Variants in WWOX observed in about 807,000 individuals in gnomAD.
The protein encoded by WWOX is WW domain containing oxidoreductase.
In WWOX, 69 loss-of-function variants were observed where a neutral mutation model predicts 46.2. That is an observed-to-expected ratio of 1.49 (90% CI 1.23 to 1.82). The LOEUF is 1.82. Among genes scored for constraint, WWOX ranks in the 40% most tolerant of loss-of-function variants. The pLI is 0.00. For missense variants in WWOX, 919 were observed against 542.6 expected, an observed-to-expected ratio of 1.69 and a Z score of -6.89; for synonymous variants, 359 against 202.6, an observed-to-expected ratio of 1.77 and a Z score of -6.56.
At chr16:79,093,015 A>G (rs2048995487) in intron 8 of WWOX, among the ~76,000 whole-genome samples, 1 of 152,184 alleles carries the variant, frequency 6.6e-6, no homozygotes, top group South Asian at 2.1e-4. Flanking sequence ...AATAGCAAAA[A>G]CCGCAATTAC....
At chr16:78,873,138 A>G (rs1019760607) in intron 8 of WWOX, 1 of 151,948 alleles carries the variant, frequency 6.6e-6, no homozygotes, top group African/African-American at 2.4e-5. Context: ...CTCTTCCTCC[A>G]TCTGGGTCTT....
At chr16:78,723,865 C>G (rs545458422) in intron 8 of WWOX, among the ~76,000 whole-genome samples, 2 of 152,064 alleles carry the variant, frequency 1.3e-5, no homozygotes, top group African/African-American at 2.4e-5. Context: ...CACATTTAAT[C>G]TGTAAAAAAT....
chr16:78,105,408 G>C (rs543022824), intron 1 of WWOX, among the ~76,000 whole-genome samples: 1 of 151,432 alleles, frequency 6.6e-6, no homozygotes, highest in South Asian at 2.1e-4. Flanking sequence ...GCAGTGAGCT[G>C]AGATTGCACC....
chr16:78,495,966 C>T (rs1454312355), intron 8 of WWOX: 2 of 152,188 alleles, frequency 1.3e-5, no homozygotes, highest in African/African-American at 2.4e-5. Context: ...AGAGGAACAT[C>T]TTTAAACGGA....
intron 8 of WWOX, among the ~76,000 whole-genome samples, chr16:78,517,224 A>C (rs1240700213): frequency 6.6e-6 from 1 of 152,162 alleles, no homozygotes; most frequent in Non-Finnish European, 1.5e-5. Context: ...ATCTATTATT[A>C]AGTTACCTTT....
At chr16:78,191,685 G>C (rs1465918658) in intron 5 of WWOX, among the ~76,000 whole-genome samples, 2 of 152,122 alleles carry the variant, frequency 1.3e-5, no homozygotes, top group Non-Finnish European at 2.9e-5. Context: ...TTTTGGGTGA[G>C]GATTTAGAAC....
At chr16:78,849,679 G>T (rs79676606) in intron 8 of WWOX, among the ~76,000 whole-genome samples, 17,388 of 151,910 alleles carry the variant, frequency 0.11, 1,542 homozygotes, top group African/African-American at 0.25. Flanking sequence ...ACACAGTATG[G>T]TTGTTTCCCT....
chr16:78,894,020 TTTATTATTATTA>T (rs6145911), intron 8 of WWOX, among the ~76,000 whole-genome samples: 13 of 140,080 alleles, frequency 9.3e-5, no homozygotes, highest in African/African-American at 1.3e-4. Flanking sequence ...TATTGAGGCT[TTTATTATTATTA>T]TTATTATTAT....
At chr16:79,019,058 G>C (rs1040249433) in intron 8 of WWOX, among the ~76,000 whole-genome samples, 4 of 147,642 alleles carry the variant, frequency 2.7e-5, no homozygotes, top group Non-Finnish European at 6.0e-5. Flanking sequence ...TCCGGAAGCT[G>C]AGGTAAGGAG....
intron 8 of WWOX, among the ~76,000 whole-genome samples, chr16:78,968,759 TGGTGAA>T (rs1337942697): frequency 6.6e-6 from 1 of 152,158 alleles, no homozygotes; most frequent in Non-Finnish European, 1.5e-5. Context: ...ATCATTAGCA[TGGTGAA>T]GATTAAAGCT....
At chr16:78,993,924 C>T (rs567064903) in intron 8 of WWOX, among the ~76,000 whole-genome samples, 20 of 152,208 alleles carry the variant, frequency 1.3e-4, no homozygotes, top group East Asian at 9.7e-4. Flanking sequence ...TGTATGTGAC[C>T]GCTTCCCCCG....
chr16:79,158,519 G>T (rs1474590614), intron 8 of WWOX, among the ~76,000 whole-genome samples: 1 of 151,988 alleles, frequency 6.6e-6, no homozygotes, highest in Non-Finnish European at 1.5e-5. Context: ...TATCCTGTCA[G>T]CAGGGGCTTG....
chr16:79,069,652 AAAT>A (rs1350588605), intron 8 of WWOX, among the ~76,000 whole-genome samples: 2 of 152,126 alleles, frequency 1.3e-5, no homozygotes, highest in African/African-American at 4.8e-5. Flanking sequence ...GACTGAAAAA[AAAT>A]AAAGAAAACA....
chr16:78,823,353 G>T (rs2051557521), intron 8 of WWOX, among the ~76,000 whole-genome samples: 1 of 152,166 alleles, frequency 6.6e-6, no homozygotes. Flanking sequence ...GTGTGAATAA[G>T]GAAGGACAGA....
intron 8 of WWOX, among the ~76,000 whole-genome samples, chr16:79,168,641 C>T (rs1021952688): frequency 6.6e-6 from 1 of 152,122 alleles, no homozygotes; most frequent in African/African-American, 2.4e-5. Context: ...CTACACTTGT[C>T]GACTAGAATT....
intron 8 of WWOX, among the ~76,000 whole-genome samples, chr16:78,855,417 T>C (rs936135868): frequency 6.6e-6 from 1 of 152,214 alleles, no homozygotes; most frequent in African/African-American, 2.4e-5. Flanking sequence ...TGAAGACAAA[T>C]GCAGTGAGTT....
intron 8 of WWOX, among the ~76,000 whole-genome samples, chr16:78,579,405 C>G (rs1027925218): frequency 6.6e-6 from 1 of 152,046 alleles, no homozygotes; most frequent in Non-Finnish European, 1.5e-5. Flanking sequence ...ACTGAGTTCA[C>G]CAGGCAAACT....
At chr16:78,202,762 T>C (rs1409554121) in intron 5 of WWOX, among the ~76,000 whole-genome samples, 1 of 151,416 alleles carries the variant, frequency 6.6e-6, no homozygotes, top group Non-Finnish European at 1.5e-5. Context: ...AAAAAATAGC[T>C]CAACCTCTCA....
chr16:79,118,104 T>C (rs2049554303), intron 8 of WWOX, among the ~76,000 whole-genome samples: 1 of 152,268 alleles, frequency 6.6e-6, no homozygotes, highest in South Asian at 2.1e-4. Flanking sequence ...GCTTTCTCGT[T>C]AAGCTTAATC....
Sources: allele counts gnomAD v4.1 joint callset (sites outside exome capture counted in the v4.1 genomes callset), GRCh38; gene constraint gnomAD v4.1.1; transcripts MANE v1.5; gene names NCBI Gene and HGNC (gene_info 2026-07-23, HGNC 2026-07-21).